The following STEAP2 variants were observed in gnomAD, a reference collection of about 807,000 sequenced individuals.
The protein encoded by STEAP2 is STEAP2 metalloreductase.
Under a neutral mutation model 46.4 loss-of-function variants are expected in STEAP2, and 30 were observed. The observed-to-expected ratio is 0.65, with a 90% CI of 0.48 to 0.88. The LOEUF is 0.88. STEAP2 is among the 40% of genes least tolerant of loss of function. STEAP2 has a pLI of 0.00. For synonymous variants in STEAP2, 180 were observed against 200.5 expected (o/e 0.90, Z 0.86); for missense variants, 513 against 579.3 (o/e 0.89, Z 1.18).
In STEAP2 at chr7:90,236,260, T is replaced by G; in HGVS notation, c.*3636T>G. ...GGTATTTTAAATAAAGTATCATAAA[T>G]GTAATAAGTAAATATTTATTTAGGA... On this transcript the variant is annotated 3_prime_UTR_variant, in exon 6 of 6. Coordinates refer to ENST00000394621, the MANE Select transcript of STEAP2 (RefSeq NM_001244944.2). The G allele has an allele frequency of 1.1e-6, 1 of 902,078 alleles. No homozygotes were observed. The highest frequency in any genetic ancestry group is 1.3e-6 in the Non-Finnish European group (1 of 754,346). The allele number at this position is 902,078 out of a possible 1,614,324, so 55.9% of individuals were successfully genotyped here.
rs1795544405 is a variant in STEAP2 at position 90,227,370 on chromosome 7, T to A, written c.892T>A (p.Trp298Arg). Residue 298 changes from tryptophan to arginine, a missense_variant, in exon 4 of 6, where the codon TGG becomes AGG. Transcript: ENST00000394621. ...YRRFPPWLET[W>R]LQCRKQLGLL... The stretch of plus-strand genomic sequence containing the variant: ...GAGATTTCCACCTTGGTTGGAAACC[T>A]GGTTACAGTGTAGAAAACAGCTTGG... The A allele has an allele frequency of 6.2e-7, 1 of 1,613,848 alleles. No individual in the cohort carries two copies. The highest frequency in any genetic ancestry group is 8.5e-7 in the Non-Finnish European group (1 of 1,179,804).
At chr7:90,213,046 AAAAGC>A (rs1794882646) in intron 1 of STEAP2, among the ~76,000 whole-genome samples, 4 of 151,878 alleles carry the variant, frequency 2.6e-5, no homozygotes, top group African/African-American at 9.7e-5. Context: ...TATTTAATGG[AAAAGC>A]AAAACAAAAC....
In STEAP2 at chr7:90,236,232, T is replaced by C; in HGVS notation, c.*3608T>C. 2.4e-6 allele frequency: 2 copies of C among 833,188 alleles called. No individual in the cohort carries two copies. The highest frequency in any genetic ancestry group is 1.1e-4 in the South Asian group (2 of 17,852). 51.6% of individuals were successfully genotyped at this position (833,188 alleles called of 1,614,324 possible). ...TTTATGAAATATTTAAAGTTTCTAATGTGGTATTTTAAATAAAGTATCATA... is the reference window on the plus strand; with the variant it reads ...TTTATGAAATATTTAAAGTTTCTAACGTGGTATTTTAAATAAAGTATCATA... On this transcript the variant is annotated 3_prime_UTR_variant, in exon 6 of 6. Transcript: ENST00000394621.
chr7:90,216,872 G>T (rs1450935900), intron 2 of STEAP2, among the ~76,000 whole-genome samples: 1 of 152,188 alleles, frequency 6.6e-6, no homozygotes, highest in Non-Finnish European at 1.5e-5. Flanking sequence ...CGTCATCACT[G>T]TGTTTTAAAA....
intron 2 of STEAP2, among the ~76,000 whole-genome samples, chr7:90,223,741 A>G (rs1427129471): frequency 1.3e-5 from 2 of 152,234 alleles, no homozygotes; most frequent in Non-Finnish European, 2.9e-5. Context: ...TAGGTAAGCT[A>G]TCTTTCTCAA....
At chr7:90,241,085 C>T (rs1344636017), downstream of STEAP2, among the ~76,000 whole-genome samples, 1 of 152,040 alleles carries the variant, frequency 6.6e-6, no homozygotes, top group African/African-American at 2.4e-5. Flanking sequence ...TTGGAAAATC[C>T]ACGAATGGAA....
intron 5 of STEAP2, among the ~76,000 whole-genome samples, chr7:90,231,457 G>A (rs1795745101): frequency 1.3e-5 from 2 of 151,940 alleles, no homozygotes; most frequent in African/African-American, 4.8e-5. Context: ...TGAGCAATGA[G>A]TCGTTAGGCA....
chr7:90,234,729 A>G lies in STEAP2; in HGVS notation c.*2105A>G, dbSNP rs1003340142. Reference sequence around the variant, plus strand: ...CCATGCCCGGCTGATTTCTTTTTGTATTTTTAGTAGAGACGGAGTTTCACC... The same window carrying G: ...CCATGCCCGGCTGATTTCTTTTTGTGTTTTTAGTAGAGACGGAGTTTCACC... On this transcript the variant is annotated 3_prime_UTR_variant, in exon 6 of 6. Coordinates refer to ENST00000394621, the MANE Select transcript of STEAP2 (RefSeq NM_001244944.2). 5.9e-5 allele frequency: 29 copies of G among 494,068 alleles called. No individual in the cohort carries two copies. Among genetic ancestry groups the G allele is most frequent in the African/African-American group, 1.1e-4 (5 of 47,222 alleles). The allele number at this position is 494,068 out of a possible 1,614,324, so 30.6% of individuals were successfully genotyped here. A position where few individuals can be genotyped will look rare whatever the true frequency, so the allele number is the denominator to read the frequency against.
Position 90,235,926 on chromosome 7 carries a change from G to A in STEAP2, c.*3302G>A. ...TACAGGTTGGCTAATGAGCTCTAGT[G>A]TTAAACTACCTGATTAATTTCTTAT... On this transcript the variant is annotated 3_prime_UTR_variant, in exon 6 of 6. Transcript: ENST00000394621. 1.0e-6 allele frequency: 1 copy of A among 983,090 alleles called. No homozygotes were observed. Among genetic ancestry groups the A allele is most frequent in the Non-Finnish European group, 1.2e-6 (1 of 827,880 alleles). The allele number at this position is 983,090 out of a possible 1,614,324, so 60.9% of individuals were successfully genotyped here.
Position 90,223,051 on chromosome 7 carries a change from G to A in STEAP2, c.-33-1999G>A, listed in dbSNP as rs28947503. ...TATTCCAAATATGAACATTTCAGAT[G>A]CTAGTCTCTCAACTAAAAAATAATT... On this transcript the variant is annotated intron_variant, in intron 2 of 5. Transcript: ENST00000394621. 2.1e-3 allele frequency among the ~76,000 whole-genome samples: 321 copies of A among 152,272 alleles called. 4 individuals are homozygous for A. The East Asian group carries it at 0.032, about 15-fold the overall frequency.
chr7:90,231,905 A>G (rs1795769197), intron 5 of STEAP2, among the ~76,000 whole-genome samples: 1 of 152,082 alleles, frequency 6.6e-6, no homozygotes, highest in Non-Finnish European at 1.5e-5. Flanking sequence ...AAATCAAAAT[A>G]TGGAAAATGG....
At chr7:90,217,697 T>C (rs984770378) in intron 2 of STEAP2, among the ~76,000 whole-genome samples, 1 of 88,160 alleles carries the variant, frequency 1.1e-5, no homozygotes, top group Non-Finnish European at 2.0e-5. Context: ...CTAGTGTGAA[T>C]AGTGCGCAAA....
At chr7:90,217,445 C>T (rs555619606) in intron 2 of STEAP2, among the ~76,000 whole-genome samples, 1 of 152,164 alleles carries the variant, frequency 6.6e-6, no homozygotes, top group Non-Finnish European at 1.5e-5. Context: ...TGATATCTCT[C>T]ATGCTATTCT....
intron 4 of STEAP2, 35 bp from the exon 5 acceptor site, chr7:90,229,837 T>A: frequency 6.2e-7 from 1 of 1,603,392 alleles, no homozygotes; most frequent in South Asian, 1.1e-5. Flanking sequence ...AATGTTCTAC[T>A]AAATAAAGGA....
At chr7:90,242,913 G>A (rs1304591549), downstream of STEAP2, among the ~76,000 whole-genome samples, 15 of 152,218 alleles carry the variant, frequency 9.9e-5, no homozygotes. Flanking sequence ...GTTGTAAAAA[G>A]AGGAGAGGGG....
In STEAP2 at chr7:90,233,483, G is replaced by A. The variant is rs555305264; in HGVS notation, c.*859G>A. ...AGTAATCTGCCAGCTGACCTTTGTC[G>A]CACCTTAACCAGTCACCACTTGCTA... On this transcript the variant is annotated 3_prime_UTR_variant, in exon 6 of 6. Coordinates refer to ENST00000394621, the MANE Select transcript of STEAP2 (RefSeq NM_001244944.2). 5 of 985,312 alleles carry A rather than the reference G, an allele frequency of 5.1e-6. No homozygotes were observed. The highest frequency in any genetic ancestry group is 1.7e-5 in the African/African-American group (1 of 57,294). The allele number at this position is 985,312 out of a possible 1,614,324, so 61.0% of individuals were successfully genotyped here.
At chr7:90,221,872 T>G (rs965258007) in intron 2 of STEAP2, among the ~76,000 whole-genome samples, 3 of 152,248 alleles carry the variant, frequency 2.0e-5, no homozygotes, top group African/African-American at 7.2e-5. Context: ...TTGAACTTGC[T>G]TTGTAAAATA....
intron 2 of STEAP2, among the ~76,000 whole-genome samples, chr7:90,223,405 T>C (rs1181258141): frequency 1.3e-5 from 2 of 152,200 alleles, no homozygotes; most frequent in African/African-American, 4.8e-5. Context: ...GACAGACAGC[T>C]CTGACTCTCT....
chr7:90,225,152 G>C lies in STEAP2; in HGVS notation c.70G>C (p.Gly24Arg). ...AACTTTTTTACCTAATGGCATAAAT[G>C]GTATCAAAGATGCAAGGAAGGTCAC... is the stretch of plus-strand genomic sequence containing the variant. The part of the protein sequence containing the change: ...SETFLPNGIN[G>R]IKDARKVTVG... The change falls in exon 3 of 6, where the codon GGT becomes CGT. Residue 24 changes from glycine (G) to arginine (R), a missense_variant. Coordinates refer to ENST00000394621, the MANE Select transcript of STEAP2 (RefSeq NM_001244944.2). 6.2e-7 allele frequency: 1 copy of C among 1,613,830 alleles called. No individual in the cohort carries two copies. Among genetic ancestry groups the C allele is most frequent in the Non-Finnish European group, 8.5e-7 (1 of 1,179,898 alleles).
Sources: allele counts gnomAD v4.1 joint callset (sites outside exome capture counted in the v4.1 genomes callset), GRCh38; gene constraint gnomAD v4.1.1; transcripts MANE v1.5; gene names NCBI Gene and HGNC (gene_info 2026-07-23, HGNC 2026-07-21).